ZFAT: variants seen among roughly 807,000 people sequenced by gnomAD.
ZFAT encodes zinc finger protein ZFAT.
A neutral mutation model predicts 117.7 loss-of-function variants in ZFAT; 64 were observed. That is an observed-to-expected ratio of 0.54 (90% CI 0.44 to 0.67). The LOEUF (loss-of-function observed/expected upper bound fraction) is 0.67. Among genes scored for constraint, ZFAT ranks in the 30% least tolerant of loss-of-function variants. The pLI is 0.00. For synonymous variants in ZFAT, 679 were observed against 615.0 expected (o/e 1.10, Z -1.54); for missense variants, 1,433 against 1,584.5 (o/e 0.90, Z 1.62).
chr8:134,800,541 A>G, the ZFAT span: 3 of 514,690 alleles, frequency 5.8e-6, no homozygotes, highest in Admixed American at 6.0e-5. Context: ...TGAAGTAAAC[A>G]TCCACCTCCC....
chr8:134,727,599 G>A, the ZFAT span, among the ~76,000 whole-genome samples: 1 of 152,152 alleles, frequency 6.6e-6, no homozygotes, highest in African/African-American at 2.4e-5. Flanking sequence ...TACACGTCAA[G>A]CCAGTTTTGT....
rs1828261356 is a variant in ZFAT, at chr8:134,610,623, ACTT to A, written c.478_480del (p.Lys160del). 1 of 1,613,656 alleles carries A rather than the reference ACTT, an allele frequency of 6.2e-7. No individual in the cohort carries two copies. The highest frequency in any genetic ancestry group is 8.5e-7 in the Non-Finnish European group (1 of 1,179,938). ...GCTTTTTCCCGATCATCTTCCTTAC[ACTT>A]CTTTTCTAGTTCAAGGTCAGACTCG... is the stretch of plus-strand genomic sequence containing the variant. On this transcript the variant is annotated inframe_deletion, in exon 4 of 16. Transcript: ENST00000377838.
the ZFAT span, among the ~76,000 whole-genome samples, chr8:134,726,136 T>G: frequency 1.1e-4 from 17 of 152,028 alleles, no homozygotes; most frequent in African/African-American, 3.4e-4. Flanking sequence ...GCAACGTGAT[T>G]CTTGCTTCTC....
chr8:134,786,189 C>A, the ZFAT span, among the ~76,000 whole-genome samples: 2 of 152,144 alleles, frequency 1.3e-5, no homozygotes, highest in East Asian at 1.9e-4. Flanking sequence ...ATGATCTTGC[C>A]CATTAACAAT....
chr8:134,582,218 C>T (rs1825761958), intron 10 of ZFAT, among the ~76,000 whole-genome samples: 3 of 152,212 alleles, frequency 2.0e-5, no homozygotes, highest in Admixed American at 2.0e-4. Context: ...CCCTCTATAT[C>T]AGTTGGTCCA....
the ZFAT span, among the ~76,000 whole-genome samples, chr8:134,817,436 C>CA: frequency 0.022 from 2,761 of 126,884 alleles, 50 homozygotes; most frequent in African/African-American, 0.058. Context: ...CACACACACA[C>CA]AACGCACCCT....
chr8:134,481,001 G>C (rs1215202145), intron 15 of ZFAT, among the ~76,000 whole-genome samples: 1 of 152,168 alleles, frequency 6.6e-6, no homozygotes, highest in Non-Finnish European at 1.5e-5. Flanking sequence ...CTTTTGATTT[G>C]GACTGATAGA....
chr8:134,827,884 T>G, the ZFAT span, among the ~76,000 whole-genome samples: 4 of 152,116 alleles, frequency 2.6e-5, no homozygotes, highest in Non-Finnish European at 5.9e-5. Context: ...AAAAATTAAG[T>G]GACATTTTAA....
chr8:134,707,569 CT>C (rs34556924), intron 1 of ZFAT, among the ~76,000 whole-genome samples: 15,551 of 152,256 alleles, frequency 0.1, 1,051 homozygotes, highest in Non-Finnish European at 0.16. Context: ...TACAAGAAGT[CT>C]TGGGGCTGAA....
At chr8:134,803,380 A>C in the ZFAT span, among the ~76,000 whole-genome samples, 1 of 152,288 alleles carries the variant, frequency 6.6e-6, no homozygotes, top group South Asian at 2.1e-4. Context: ...CTCAGCAATA[A>C]CTATCCTTTC....
chr8:134,532,928 G>T lies in ZFAT; in HGVS notation c.3021C>A (p.Gly1007=). The T allele has an allele frequency of 6.2e-7, 1 of 1,609,206 alleles. No homozygotes were observed. The part of the protein sequence containing the change: ...AHCHYSCNIS[G]SLKRHYNRKH... The stretch of plus-strand genomic sequence containing the variant: ...TCCTGTTGTAGTGCCGCTTCAGAGA[G>T]CCAGATATGTTGCAGGAGTAATGGC... Residue 1007 remains glycine, a synonymous_variant, in exon 12 of 16, where the codon GGC becomes GGA. Coordinates refer to ENST00000377838, the MANE Select transcript of ZFAT (RefSeq NM_020863.4).
intron 10 of ZFAT, among the ~76,000 whole-genome samples, chr8:134,574,108 G>A (rs966804930): frequency 2.6e-5 from 4 of 152,194 alleles, no homozygotes; most frequent in East Asian, 1.9e-4. Flanking sequence ...TTCGCTTCCC[G>A]TTGACTCTCC....
At chr8:134,649,163 TCTCACA>T (rs1393827355) in intron 2 of ZFAT, among the ~76,000 whole-genome samples, 1 of 80,254 alleles carries the variant, frequency 1.2e-5, no homozygotes, top group Non-Finnish European at 2.3e-5. Context: ...AACATCTATC[TCTCACA>T]CACACACACA....
rs916732486 is a variant in ZFAT, at chr8:134,577,750, C to T, written c.2887+6082G>A. Among the ~76,000 whole-genome samples the T allele has an allele frequency of 2.6e-5, 4 of 152,028 alleles. No individual in the cohort carries two copies. The East Asian group carries it at 7.7e-4, about 29-fold the overall frequency. ...AAACATCATAAATAAGGAAATTATA[C>T]AGTACACTGGAGAAGGGTTGGTTTA... On this transcript the variant is annotated intron_variant, in intron 10 of 15. Coordinates refer to ENST00000377838, the MANE Select transcript of ZFAT (RefSeq NM_020863.4).
At chr8:134,610,828 C>A (rs969019834) in intron 3 of ZFAT, among the ~76,000 whole-genome samples, 173 bp from the exon 4 acceptor site, 1 of 152,188 alleles carries the variant, frequency 6.6e-6, no homozygotes, top group Admixed American at 6.5e-5. Context: ...CTGCTTCACT[C>A]GATTCAGTAC....
chr8:134,498,413 C>T (rs1818681224), intron 15 of ZFAT, among the ~76,000 whole-genome samples: 1 of 43,904 alleles, frequency 2.3e-5, no homozygotes, highest in Non-Finnish European at 4.1e-5. Context: ...TTGCTGGTTA[C>T]ACACAGAGCC....
chr8:134,706,994 A>G (rs552540814), intron 1 of ZFAT, among the ~76,000 whole-genome samples: 1 of 152,230 alleles, frequency 6.6e-6, no homozygotes, highest in South Asian at 2.1e-4. Flanking sequence ...AACATTTCCA[A>G]GATAAAGTCC....
In ZFAT at chr8:134,478,629, C is replaced by T; in HGVS notation, c.3585G>A (p.Leu1195=). Residue 1195 remains leucine (L), a synonymous_variant, in exon 16 of 16, where the codon CTG becomes CTA. Coordinates refer to ENST00000377838, the MANE Select transcript of ZFAT (RefSeq NM_020863.4). The surrounding 1 kb of genome is among the most constrained non-coding windows in gnomAD (Gnocchi z 5.2). ...ASVELAEQHH[L]VVSSDDVEGI... is the part of the protein sequence containing the mutation. ...CCTCCACGTCGTCGGAGGACACCACCAGGTGGTGCTGCTCGGCAAGCTCCA... is the reference window on the plus strand; with the variant it reads ...CCTCCACGTCGTCGGAGGACACCACTAGGTGGTGCTGCTCGGCAAGCTCCA... 6 of 1,585,724 alleles carry T rather than the reference C, an allele frequency of 3.8e-6. No individual in the cohort carries two copies. The highest frequency in any genetic ancestry group is 5.1e-6 in the Non-Finnish European group (6 of 1,166,582).
intron 15 of ZFAT, among the ~76,000 whole-genome samples, chr8:134,496,428 G>A (rs1027530746): frequency 2.0e-5 from 3 of 152,210 alleles, no homozygotes; most frequent in African/African-American, 4.8e-5. Context: ...GAGATAACCC[G>A]TTGTGCTGTC....
Sources: gnomAD v4.1 joint callset for allele counts (sites outside exome capture counted in the v4.1 genomes callset) on GRCh38, gnomAD v4.1.1 for gene constraint, Gnocchi (gnomAD v3.1) non-coding constraint, MANE v1.5 for transcripts, NCBI Gene and HGNC (gene_info 2026-07-23, HGNC 2026-07-21) for gene names.